Variants in CYP2J2 observed in about 807,000 individuals in gnomAD.
The protein encoded by CYP2J2 is cytochrome P450 family 2 subfamily J member 2.
CYP2J2 carries 41 observed loss-of-function variants against 48.8 expected under a neutral mutation model. The ratio of observed to expected loss-of-function variants is 0.84; its 90% CI spans 0.66 to 1.09. The LOEUF is 1.09. Among genes scored for constraint, CYP2J2 ranks in the 50% least tolerant of loss-of-function variants. The probability of loss-of-function intolerance (pLI) is 0.00; values close to 1 mark genes in which losing one functional copy is unlikely to be tolerated. For missense variants in CYP2J2, 644 were observed against 617.3 expected (o/e 1.04, Z -0.46); for synonymous variants, 221 against 227.1 (o/e 0.97, Z 0.24).
At chr1:59,924,618 C>T (rs941433352) in intron 1 of CYP2J2, among the ~76,000 whole-genome samples, 4 of 151,922 alleles carry the variant, frequency 2.6e-5, no homozygotes, top group East Asian at 1.9e-4. Context: ...ATCTGCATAT[C>T]GTAATCCTTA....
chr1:59,958,444 G>A, the CYP2J2 span, among the ~76,000 whole-genome samples: 6 of 152,106 alleles, frequency 3.9e-5, no homozygotes, highest in Non-Finnish European at 8.8e-5. Context: ...TAGTCATTTG[G>A]TTACAGTTCT....
At chr1:59,916,551 T>C (rs1422464982) in intron 1 of CYP2J2, among the ~76,000 whole-genome samples, 1 of 152,106 alleles carries the variant, frequency 6.6e-6, no homozygotes, top group Non-Finnish European at 1.5e-5. Flanking sequence ...CTGGGCAACA[T>C]AGTGAGACCC....
At chr1:59,929,888 G>T (rs1394738913), upstream of CYP2J2, among the ~76,000 whole-genome samples, 1 of 152,098 alleles carries the variant, frequency 6.6e-6, no homozygotes, top group Non-Finnish European at 1.5e-5. Flanking sequence ...TTCACGAAAA[G>T]CATTAATCCA....
intron 6 of CYP2J2, among the ~76,000 whole-genome samples, chr1:59,905,548 C>A (rs1644357877): frequency 6.6e-6 from 1 of 152,116 alleles, no homozygotes; most frequent in Non-Finnish European, 1.5e-5. Context: ...CAACCCATAG[C>A]AGATCTACAG....
intron 6 of CYP2J2, among the ~76,000 whole-genome samples, chr1:59,907,577 A>C (rs1017298240): frequency 6.6e-6 from 1 of 152,200 alleles, no homozygotes; most frequent in Admixed American, 6.5e-5. Context: ...TCTTGAGGAC[A>C]AGGATTCTCT....
In CYP2J2 at chr1:59,909,906, G is replaced by C; in HGVS notation, c.739C>G (p.Leu247Val). The change falls in exon 5 of 9, where the codon CTC becomes GTC. Residue 247 changes from leucine to valine, a missense_variant. Physicochemically the swap from Leu to Val is conservative, Grantham distance 32. Coordinates refer to ENST00000371204, the MANE Select transcript of CYP2J2 (RefSeq NM_000775.4). Reference protein sequence around the residue: ...MKFLPGPHQTLFSNWKKLKLF... With the variant: ...MKFLPGPHQTVFSNWKKLKLF... ...TTCAGTTTTTTCCAGTTGCTGAAGA[G>C]AGTTTGGTGGGGTCCAGGCAGGAAT... 2 of 1,611,890 alleles carry C rather than the reference G, an allele frequency of 1.2e-6. No homozygotes were observed. The highest frequency in any genetic ancestry group is 1.1e-5 in the South Asian group (1 of 90,724).
At chr1:59,955,922 A>G in the CYP2J2 span, among the ~76,000 whole-genome samples, 2 of 151,994 alleles carry the variant, frequency 1.3e-5, no homozygotes, top group Admixed American at 6.6e-5. Context: ...GTGTGTGTGC[A>G]TGTGTGTTTA....
chr1:59,935,013 T>TAC, the CYP2J2 span, among the ~76,000 whole-genome samples: 5 of 39,760 alleles, frequency 1.3e-4, no homozygotes, highest in East Asian at 6.5e-4. Context: ...TATATATATA[T>TAC]ACATATATAT....
chr1:59,927,809 G>A (rs757468067), upstream of CYP2J2, among the ~76,000 whole-genome samples: 3 of 152,248 alleles, frequency 2.0e-5, no homozygotes, highest in South Asian at 6.2e-4. Context: ...CTGACCATAG[G>A]TGATCTGCCC....
chr1:59,957,034 C>G, the CYP2J2 span, among the ~76,000 whole-genome samples: 1 of 152,188 alleles, frequency 6.6e-6, no homozygotes, highest in Non-Finnish European at 1.5e-5. Flanking sequence ...ATGCCTGTTC[C>G]AGTACAGTTT....
chr1:59,915,705 T>G (rs1352829596), intron 2 of CYP2J2, among the ~76,000 whole-genome samples: 1 of 152,146 alleles, frequency 6.6e-6, no homozygotes, highest in African/African-American at 2.4e-5. Flanking sequence ...CAGAGTAGGT[T>G]TGGGCAGGGC....
chr1:59,956,146 C>T, the CYP2J2 span, among the ~76,000 whole-genome samples: 644 of 152,040 alleles, frequency 4.2e-3, 1 homozygote, highest in African/African-American at 6.7e-3. Context: ...ATAGAACAAA[C>T]GGCAAATAGA....
At chr1:59,910,191 A>G (rs1448744064) in intron 4 of CYP2J2, among the ~76,000 whole-genome samples, 1 of 152,162 alleles carries the variant, frequency 6.6e-6, no homozygotes, top group Admixed American at 6.6e-5. Context: ...TTGCCACCAA[A>G]AAAAAATACT....
Position 59,920,811 on chromosome 1 carries a change from CTCTG to C in CYP2J2, c.211-4715_211-4712del, listed in dbSNP as rs552449492. Among the ~76,000 whole-genome samples, 606 of 152,160 alleles carry C rather than the reference CTCTG, an allele frequency of 4.0e-3. 2 individuals are homozygous for C. Among genetic ancestry groups the C allele is most frequent in the African/African-American group, 0.014 (580 of 41,518 alleles). On this transcript the variant is annotated intron_variant, in intron 1 of 8. Coordinates refer to ENST00000371204, the MANE Select transcript of CYP2J2 (RefSeq NM_000775.4). ...TTTGGGAGAAAGTTATTTAACTTTT[CTCTG>C]TCTTAGTTTCCAAATTTTATAGACT...
intron 8 of CYP2J2, among the ~76,000 whole-genome samples, chr1:59,896,775 A>G (rs1644273502): frequency 6.6e-6 from 1 of 152,218 alleles, no homozygotes; most frequent in Non-Finnish European, 1.5e-5. Flanking sequence ...TTTAAAAAGC[A>G]TGAAAAAGAA....
At chr1:59,932,858 G>T in the CYP2J2 span, among the ~76,000 whole-genome samples, 3 of 151,960 alleles carry the variant, frequency 2.0e-5, no homozygotes, top group African/African-American at 7.3e-5. Flanking sequence ...ATGGCATTAT[G>T]CTTGGCTAAT....
the CYP2J2 span, among the ~76,000 whole-genome samples, chr1:59,933,545 G>A: frequency 7.9e-5 from 12 of 152,122 alleles, no homozygotes; most frequent in African/African-American, 2.4e-4. Flanking sequence ...AAACTTTGCT[G>A]AATTTGCTTA....
the CYP2J2 span, among the ~76,000 whole-genome samples, chr1:59,967,734 T>C: frequency 3.3e-5 from 5 of 152,326 alleles, no homozygotes; most frequent in East Asian, 5.8e-4. Flanking sequence ...TGAGAAGAAA[T>C]AGGCTGCACT....
chr1:59,910,130 C>G (rs1644399406), intron 4 of CYP2J2, among the ~76,000 whole-genome samples, 170 bp from the exon 5 acceptor site: 2 of 152,148 alleles, frequency 1.3e-5, no homozygotes, highest in African/African-American at 4.8e-5. Flanking sequence ...CAGTTCAGCT[C>G]TCTGTCAAAA....
Sources: gnomAD v4.1 joint callset for allele counts (sites outside exome capture counted in the v4.1 genomes callset) on GRCh38, gnomAD v4.1.1 for gene constraint, MANE v1.5 for transcripts, NCBI Gene and HGNC (gene_info 2026-07-23, HGNC 2026-07-21) for gene names.